The following LIMK2 variants were observed in gnomAD, a reference collection of about 807,000 sequenced individuals.
LIMK2 encodes the protein LIM domain kinase 2.
Under a neutral mutation model 75.7 loss-of-function variants are expected in LIMK2, and 35 were observed. The ratio of observed to expected loss-of-function variants is 0.46; its 90% CI spans 0.35 to 0.61. The LOEUF is 0.61. Ranked by LOEUF, LIMK2 falls within the 20% of genes least tolerant of loss-of-function variation. The pLI is 0.00. For missense variants in LIMK2, 623 were observed against 831.0 expected (o/e 0.75, Z 3.08); for synonymous variants, 301 against 319.2 (o/e 0.94, Z 0.61).
chr22:31,214,839 ATGC>A (rs1419370776), intron 1 of LIMK2, among the ~76,000 whole-genome samples: 1 of 152,146 alleles, frequency 6.6e-6, no homozygotes, highest in East Asian at 1.9e-4. Flanking sequence ...TCTGTTGCCC[ATGC>A]TGGAGTACAG....
At chr22:31,232,269 A>AG (rs59279600) in intron 2 of LIMK2, among the ~76,000 whole-genome samples, 3 of 151,646 alleles carry the variant, frequency 2.0e-5, no homozygotes, top group Non-Finnish European at 4.4e-5. Context: ...AAAAAAAAAA[A>AG]CAGTAGACTT....
chr22:31,257,040 ATTTTTTTTTTTTTTTTTTTTTTT>A (rs529919320), intron 2 of LIMK2, among the ~76,000 whole-genome samples: 1 of 75,054 alleles, frequency 1.3e-5, no homozygotes, highest in Non-Finnish European at 3.0e-5. Context: ...GGAGCTATAG[ATTTTTTTTTTTTTTTTTTTTTTT>A]TTTTTTTTTT....
At chr22:31,217,843 C>G (rs1313295656) in intron 1 of LIMK2, among the ~76,000 whole-genome samples, 1 of 152,184 alleles carries the variant, frequency 6.6e-6, no homozygotes, top group Non-Finnish European at 1.5e-5. Flanking sequence ...GTTTGCCTTG[C>G]CTGTAGCACC....
intron 1 of LIMK2, among the ~76,000 whole-genome samples, chr22:31,214,823 T>A (rs2048377014): frequency 6.6e-6 from 1 of 151,386 alleles, no homozygotes; most frequent in African/African-American, 2.4e-5. Context: ...GGAGGAAGAG[T>A]CTTGCTCTGT....
chr22:31,277,712 C>T (rs1031598558), intron 15 of LIMK2: 6 of 201,840 alleles, frequency 3.0e-5, no homozygotes, highest in Non-Finnish European at 3.5e-5. Context: ...AAGGTGCTTA[C>T]CCTCATAGAA....
intron 1 of LIMK2, 126 bp downstream of exon 1, chr22:31,212,550 C>T (rs1236080509): frequency 2.1e-6 from 2 of 970,220 alleles, no homozygotes; most frequent in East Asian, 3.1e-5. Context: ...CCGAGCTCCT[C>T]AGAAAAGCTG....
chr22:31,276,547 C>T (rs2049020973), intron 15 of LIMK2, among the ~76,000 whole-genome samples: 1 of 145,910 alleles, frequency 6.9e-6, no homozygotes, highest in East Asian at 2.0e-4. Flanking sequence ...CCCGGGGGCT[C>T]CGCATGCTGC....
rs5997927 is a variant in LIMK2 at position 31,262,170 on chromosome 22, C to T, written c.588C>T (p.Asn196=). 5.0e-5 allele frequency: 80 copies of T among 1,614,206 alleles called. No homozygotes were observed. The African/African-American group carries it at 8.8e-4, about 18-fold the overall frequency. ...TGCACATCAGTCCCAACAATCGAAA[C>T]GCCATCCACCCTGGGGACCGCATCC... ...NRMHISPNNR[N]AIHPGDRILE... is the part of the protein sequence containing the mutation. Residue 196 remains asparagine (N), a synonymous_variant, in exon 6 of 16, where the codon AAC becomes AAT. Coordinates refer to ENST00000331728, the MANE Select transcript of LIMK2 (RefSeq NM_005569.4). The surrounding 1 kb of genome is among the most constrained non-coding windows in gnomAD (Gnocchi z 5.0).
chr22:31,255,823 A>G (rs2048772425), intron 2 of LIMK2, among the ~76,000 whole-genome samples: 1 of 152,084 alleles, frequency 6.6e-6, no homozygotes. Flanking sequence ...GGCTCTTTGT[A>G]GTAATAGGAT....
chr22:31,277,977 C>T (rs2049049295), intron 15 of LIMK2, among the ~76,000 whole-genome samples: 1 of 152,150 alleles, frequency 6.6e-6, no homozygotes, highest in African/African-American at 2.4e-5. Flanking sequence ...CAAGCCATTT[C>T]CGTGGCACTA....
intron 8 of LIMK2, 106 bp downstream of exon 8, chr22:31,266,238 C>A: frequency 8.8e-7 from 1 of 1,141,500 alleles, no homozygotes; most frequent in Non-Finnish European, 1.3e-6. Context: ...TGCAGGATGC[C>A]AGGCCTCCTT....
chr22:31,254,779 G>A (rs1334735823), intron 2 of LIMK2, among the ~76,000 whole-genome samples: 7 of 152,040 alleles, frequency 4.6e-5, no homozygotes, highest in Non-Finnish European at 7.4e-5. Flanking sequence ...ACCAACATGG[G>A]GAAACCCCGT....
chr22:31,254,338 G>A (rs1477863994), intron 2 of LIMK2, among the ~76,000 whole-genome samples: 1 of 152,242 alleles, frequency 6.6e-6, no homozygotes, highest in Non-Finnish European at 1.5e-5. Context: ...AAATAAGTCT[G>A]CACACAGAAG....
intron 2 of LIMK2, among the ~76,000 whole-genome samples, chr22:31,253,905 C>G (rs757622983): frequency 2.0e-5 from 3 of 152,202 alleles, no homozygotes; most frequent in Non-Finnish European, 4.4e-5. Flanking sequence ...CTGAAGTCTA[C>G]CATGGCAACT....
intron 2 of LIMK2, among the ~76,000 whole-genome samples, chr22:31,243,500 C>T (rs2048641188): frequency 6.6e-6 from 1 of 152,222 alleles, no homozygotes; most frequent in Admixed American, 6.5e-5. Flanking sequence ...CACACCTTGC[C>T]TGAACATTCA....
chr22:31,224,275 A>G (rs557548263), intron 1 of LIMK2, among the ~76,000 whole-genome samples: 221 of 152,268 alleles, frequency 1.5e-3, no homozygotes, highest in African/African-American at 5.1e-3. Context: ...GCTTTTGTCT[A>G]TGCTGGTCTC....
chr22:31,273,046 A>T, intron 13 of LIMK2: 1 of 1,115,696 alleles, frequency 9.0e-7, no homozygotes, highest in Non-Finnish European at 1.1e-6. Flanking sequence ...GCTCAAACCA[A>T]CCAGAGATGC....
chr22:31,260,877 T>G (rs767839615), intron 5 of LIMK2, among the ~76,000 whole-genome samples: 6 of 152,218 alleles, frequency 3.9e-5, no homozygotes, highest in Non-Finnish European at 8.8e-5. Context: ...CTGTTAAGTA[T>G]AGAGGGCCTG....
intron 15 of LIMK2, chr22:31,276,916 T>G (rs1368485588): frequency 6.2e-7 from 1 of 1,612,734 alleles, no homozygotes; most frequent in South Asian, 1.1e-5. Context: ...CCTAGAGGAG[T>G]GGATCCTGGA....
Sources: gnomAD v4.1 joint callset for allele counts (sites outside exome capture counted in the v4.1 genomes callset) on GRCh38, gnomAD v4.1.1 for gene constraint, Gnocchi (gnomAD v3.1) non-coding constraint, MANE v1.5 for transcripts, NCBI Gene and HGNC (gene_info 2026-07-23, HGNC 2026-07-21) for gene names.